Variants in APP observed in about 807,000 individuals in gnomAD.
APP encodes the protein amyloid-beta precursor protein.
APP carries 31 observed loss-of-function variants against 101.4 expected under a neutral mutation model. The ratio of observed to expected loss-of-function variants is 0.31; its 90% confidence interval spans 0.23 to 0.41. The LOEUF is 0.41. Among genes scored for constraint, APP ranks in the 10% least tolerant of loss-of-function variants. The pLI, the probability that APP is intolerant of heterozygous loss-of-function variation, is 1.00. For missense variants in APP, 839 were observed against 1,003.7 expected (o/e 0.84, Z 2.22); for synonymous variants, 366 against 364.4 (o/e 1.00, Z -0.05).
At chr21:26,010,866 A>C (rs2043769872) in intron 6 of APP, among the ~76,000 whole-genome samples, 1 of 151,504 alleles carries the variant, frequency 6.6e-6, no homozygotes, top group African/African-American at 2.4e-5. Context: ...AAACAAAAAA[A>C]ACACACAAAA....
At chr21:26,133,296 A>G (rs2062831817) in intron 1 of APP, among the ~76,000 whole-genome samples, 1 of 151,930 alleles carries the variant, frequency 6.6e-6, no homozygotes. Flanking sequence ...TACGTAAGGA[A>G]CCTATTAATA....
At position 25,881,471 on chromosome 21, in the gene APP, A is replaced by G. The variant is rs1046036943; in HGVS notation, c.*199T>C. 5 of 650,450 alleles carry G rather than the reference A, an allele frequency of 7.7e-6. No homozygotes were observed. Among genetic ancestry groups the G allele is most frequent in the Non-Finnish European group, 1.1e-5 (4 of 367,084 alleles). The allele number at this position is 650,450 out of a possible 1,614,324, so 40.3% of individuals were successfully genotyped here. A position where few individuals can be genotyped will look rare whatever the true frequency, so the allele number is the denominator to read the frequency against. On this transcript the variant is annotated 3_prime_UTR_variant, in exon 18 of 18. Coordinates refer to ENST00000346798, the MANE Select transcript of APP (RefSeq NM_000484.4). ...GTAGTATAGAGACCAAAATGTAAAG[A>G]GAGATAGAATACATTACTGATGTGT...
chr21:25,897,115 T>A (rs922085634), intron 16 of APP, among the ~76,000 whole-genome samples: 1 of 151,330 alleles, frequency 6.6e-6, no homozygotes, highest in African/African-American at 2.4e-5. Flanking sequence ...GAACTATACA[T>A]ACAGCCTCTT....
At chr21:25,903,388 C>CAAAA (rs1318052750) in intron 15 of APP, among the ~76,000 whole-genome samples, 1 of 138,432 alleles carries the variant, frequency 7.2e-6, no homozygotes, top group African/African-American at 2.9e-5. Flanking sequence ...AAAAAAAAAT[C>CAAAA]AAAAAACAAT....
At chr21:25,986,559 G>A (rs963871956) in intron 8 of APP, among the ~76,000 whole-genome samples, 1 of 152,154 alleles carries the variant, frequency 6.6e-6, no homozygotes, top group Non-Finnish European at 1.5e-5. Context: ...AATTAGCAGG[G>A]TGTGGTGGCG....
At chr21:26,134,062 A>T (rs1443039175) in intron 1 of APP, among the ~76,000 whole-genome samples, 2 of 152,098 alleles carry the variant, frequency 1.3e-5, no homozygotes, top group Non-Finnish European at 2.9e-5. Context: ...TTTGGAGGAG[A>T]AGCAATGTTT....
chr21:26,117,616 T>G (rs960840773), intron 1 of APP, among the ~76,000 whole-genome samples: 1 of 152,236 alleles, frequency 6.6e-6, no homozygotes, highest in African/African-American at 2.4e-5. Context: ...TCTGTTAATG[T>G]GACCGGGCTG....
At chr21:26,164,221 G>A (rs1223204757) in intron 1 of APP, among the ~76,000 whole-genome samples, 1 of 152,212 alleles carries the variant, frequency 6.6e-6, no homozygotes, top group Non-Finnish European at 1.5e-5. Context: ...TTCCAGCTTG[G>A]GCGACAGGGC....
chr21:25,974,504 T>C (rs2042153904), intron 11 of APP, among the ~76,000 whole-genome samples: 1 of 152,114 alleles, frequency 6.6e-6, no homozygotes, highest in Non-Finnish European at 1.5e-5. Context: ...TTCCACCATA[T>C]GAGGATACAG....
At chr21:25,970,006 A>AAGAGAGAG (rs34800671) in intron 11 of APP, among the ~76,000 whole-genome samples, 2,297 of 146,674 alleles carry the variant, frequency 0.016, 52 homozygotes, top group African/African-American at 0.055. Context: ...GAAACAGAGA[A>AAGAGAGAG]AGAGAGAGAG....
At chr21:26,029,822 T>C (rs535315107) in intron 5 of APP, among the ~76,000 whole-genome samples, 1 of 152,266 alleles carries the variant, frequency 6.6e-6, no homozygotes, top group African/African-American at 2.4e-5. Context: ...GACAGCAATA[T>C]GTGACAGAGA....
At chr21:26,111,644 G>T (rs2062327273) in intron 2 of APP, among the ~76,000 whole-genome samples, 1 of 152,030 alleles carries the variant, frequency 6.6e-6, no homozygotes, top group African/African-American at 2.4e-5. Context: ...GGCTGAGGTG[G>T]GAGGATTGCT....
chr21:26,057,533 C>T (rs1291556208), intron 3 of APP, among the ~76,000 whole-genome samples: 1 of 151,916 alleles, frequency 6.6e-6, no homozygotes, highest in Non-Finnish European at 1.5e-5. Context: ...AGCTAATGAA[C>T]AAAATCTGGG....
At chr21:26,002,762 C>T (rs2043353854) in intron 6 of APP, among the ~76,000 whole-genome samples, 2 of 152,146 alleles carry the variant, frequency 1.3e-5, no homozygotes, top group Non-Finnish European at 2.9e-5. Flanking sequence ...CTGACCCTCA[C>T]ATTTTGGCAT....
chr21:26,082,674 AATCTT>A (rs1475411206), intron 3 of APP, among the ~76,000 whole-genome samples: 1 of 152,106 alleles, frequency 6.6e-6, no homozygotes, highest in Non-Finnish European at 1.5e-5. Context: ...CTTGCCTTGA[AATCTT>A]ATCCTTGAAA....
rs931066255 is a variant in APP, at chr21:25,881,032, G to T, written c.*638C>A. The T allele has an allele frequency of 6.9e-6, 1 of 145,326 alleles. No homozygotes were observed. The highest frequency in any genetic ancestry group is 2.6e-5 in the African/African-American group (1 of 38,938). The allele number at this position is 145,326 out of a possible 1,614,324, so 9.0% of individuals were successfully genotyped here. A position where few individuals can be genotyped will look rare whatever the true frequency, so the allele number is the denominator to read the frequency against. Reference sequence around the variant, plus strand: ...GTGGACAAAAAAAGAAAAGCTTGAAGTCTCAATGCCTAATGTGTGCACATA... The same window carrying T: ...GTGGACAAAAAAAGAAAAGCTTGAATTCTCAATGCCTAATGTGTGCACATA... On this transcript the variant is annotated 3_prime_UTR_variant, in exon 18 of 18. Transcript: ENST00000346798.
At chr21:25,901,892 C>A (rs1408271646) in intron 15 of APP, among the ~76,000 whole-genome samples, 2 of 152,158 alleles carry the variant, frequency 1.3e-5, no homozygotes, top group Non-Finnish European at 2.9e-5. Flanking sequence ...TGAATTGTAA[C>A]AGAAAGGGTA....
chr21:26,134,740 C>G (rs1297920200), intron 1 of APP, among the ~76,000 whole-genome samples: 5 of 152,128 alleles, frequency 3.3e-5, no homozygotes, highest in Non-Finnish European at 7.4e-5. Flanking sequence ...AAGTCCTAAC[C>G]CTCTAATCAC....
intron 5 of APP, among the ~76,000 whole-genome samples, chr21:26,033,188 T>C (rs1601276127): frequency 6.6e-6 from 1 of 152,182 alleles, no homozygotes; most frequent in Non-Finnish European, 1.5e-5. Flanking sequence ...ATAATCCCCA[T>C]GTGTCTAGAG....
Sources: allele counts gnomAD v4.1 joint callset (sites outside exome capture counted in the v4.1 genomes callset), GRCh38; gene constraint gnomAD v4.1.1; transcripts MANE v1.5; gene names NCBI Gene and HGNC (gene_info 2026-07-23, HGNC 2026-07-21).